Variants in RALGAPA2 observed in about 807,000 individuals in gnomAD.
RALGAPA2 encodes ral GTPase-activating protein subunit alpha-2.
In RALGAPA2, 139 loss-of-function variants were observed where a neutral mutation model predicts 230.4. That is an observed-to-expected ratio of 0.60 (90% CI 0.53 to 0.69). The LOEUF is 0.69. Ranked by LOEUF, RALGAPA2 falls within the 30% of genes least tolerant of loss-of-function variation. RALGAPA2 has a pLI of 0.00. For missense variants in RALGAPA2, 2,163 were observed against 2,276.0 expected, an observed-to-expected ratio of 0.95 and a Z score of 1.01; for synonymous variants, 847 against 837.8, an observed-to-expected ratio of 1.01 and a Z score of -0.19.
At chr20:20,427,134 G>T (rs2060400354) in intron 37 of RALGAPA2, among the ~76,000 whole-genome samples, 1 of 152,152 alleles carries the variant, frequency 6.6e-6, no homozygotes, top group Non-Finnish European at 1.5e-5. Context: ...AAAACTAGCA[G>T]AAGACCCAGT....
In RALGAPA2 at chr20:20,611,301, TA is replaced by T. The variant is rs758521364; in HGVS notation, c.1800+13del. The T allele has an allele frequency of 3.1e-5, 49 of 1,592,184 alleles. No homozygotes were observed. In the Admixed American group the frequency reaches 4.5e-4, roughly 14 times the overall value. On this transcript the variant is annotated intron_variant, in intron 14 of 39. Coordinates refer to ENST00000202677, the MANE Select transcript of RALGAPA2 (RefSeq NM_020343.4). ...ATTTCTTGCATTTGCAGTGCTTTCA[TA>T]AAAAAGACTTACCCTAAATAGTAAC...
chr20:20,589,137 C>A, intron 18 of RALGAPA2, 131 bp downstream of exon 18: 2 of 1,234,324 alleles, frequency 1.6e-6, no homozygotes, highest in East Asian at 2.8e-5. Flanking sequence ...ATCTCAACAT[C>A]ATTTGGGCCT....
intron 1 of RALGAPA2, among the ~76,000 whole-genome samples, chr20:20,706,274 T>C (rs889766297): frequency 6.6e-6 from 1 of 152,230 alleles, no homozygotes; most frequent in Non-Finnish European, 1.5e-5. Context: ...GAGGGATGGA[T>C]GGTGTATTTG....
chr20:20,492,000 T>A (rs2062072521), intron 36 of RALGAPA2, among the ~76,000 whole-genome samples: 1 of 152,162 alleles, frequency 6.6e-6, no homozygotes, highest in Non-Finnish European at 1.5e-5. Flanking sequence ...GCCAGGCACA[T>A]AATTTGTATA....
chr20:20,524,563 G>C lies in RALGAPA2; in HGVS notation c.3763-20C>G. On this transcript the variant is annotated intron_variant, in intron 29 of 39. Transcript: ENST00000202677. The stretch of plus-strand genomic sequence containing the variant: ...AATAAACTGGAAGAAGAACATGCCC[G>C]GTAGCTTATGCTGCAGTCTCTTAAA... 6.2e-7 allele frequency: 1 copy of C among 1,613,508 alleles called. No individual in the cohort carries two copies. Among genetic ancestry groups the C allele is most frequent in the South Asian group, 1.1e-5 (1 of 91,010 alleles).
intron 23 of RALGAPA2, among the ~76,000 whole-genome samples, chr20:20,554,805 T>G (rs1487796915): frequency 1.3e-5 from 2 of 152,134 alleles, no homozygotes; most frequent in African/African-American, 4.8e-5. Context: ...TGCCTGGCTG[T>G]GTAAGACTTC....
chr20:20,465,149 TCACACACACACACACA>T (rs74180992), intron 37 of RALGAPA2, among the ~76,000 whole-genome samples: 43 of 109,236 alleles, frequency 3.9e-4, no homozygotes, highest in South Asian at 1.1e-3. Flanking sequence ...CCGCAGGCCT[TCACACACACACACACA>T]CACACACACA....
chr20:20,582,081 C>T (rs1230565324), intron 20 of RALGAPA2, among the ~76,000 whole-genome samples: 1 of 152,054 alleles, frequency 6.6e-6, no homozygotes, highest in African/African-American at 2.4e-5. Context: ...CCAGCTCCTC[C>T]ATGGCCTCCC....
At chr20:20,604,946 TTAC>T (rs1447079619) in intron 15 of RALGAPA2, among the ~76,000 whole-genome samples, 11 of 152,296 alleles carry the variant, frequency 7.2e-5, no homozygotes, top group African/African-American at 1.9e-4. Flanking sequence ...ATCACTACTA[TTAC>T]TACTACCTTC....
intron 29 of RALGAPA2, 125 bp from the exon 30 acceptor site, chr20:20,524,668 G>A: frequency 1.5e-6 from 2 of 1,333,802 alleles, no homozygotes; most frequent in South Asian, 2.9e-5. Context: ...AAGTAGGTAA[G>A]TAAATAAATA....
At position 20,616,043 on chromosome 20, in the gene RALGAPA2, C is replaced by T. The variant is rs1307723057; in HGVS notation, c.1688G>A (p.Trp563Ter). The change falls in exon 13 of 40, where the codon TGG becomes TAG. Residue 563 changes from tryptophan (W) to a stop codon, truncating the protein, a stop_gained and splice_region_variant. Coordinates refer to ENST00000202677, the MANE Select transcript of RALGAPA2 (RefSeq NM_020343.4). LOFTEE classifies it high-confidence loss of function. ...IMELTMNKKT[W>*]EQMLQILLRI... Reference sequence around the variant, plus strand: ...ACTAATTAATTTGATATAAACTTACCATGTCTTTTTATTCATTGTAAGCTC... The same window carrying T: ...ACTAATTAATTTGATATAAACTTACTATGTCTTTTTATTCATTGTAAGCTC... 6 of 1,487,358 alleles carry T rather than the reference C, an allele frequency of 4.0e-6. No individual in the cohort carries two copies. The highest frequency in any genetic ancestry group is 4.5e-6 in the Non-Finnish European group (5 of 1,116,268). 92.1% of individuals were successfully genotyped at this position (1,487,358 alleles called of 1,614,324 possible).
intron 37 of RALGAPA2, among the ~76,000 whole-genome samples, chr20:20,443,441 T>TC: frequency 6.6e-6 from 1 of 152,240 alleles, no homozygotes; most frequent in Non-Finnish European, 1.5e-5. Flanking sequence ...AGGTGCCTCT[T>TC]GATCTTCACC....
At chr20:20,409,528 C>A (rs968727749) in intron 38 of RALGAPA2, among the ~76,000 whole-genome samples, 4 of 152,154 alleles carry the variant, frequency 2.6e-5, no homozygotes, top group African/African-American at 9.7e-5. Context: ...GGAGCTTAAG[C>A]CGCTCAGGGT....
chr20:20,513,742 G>A (rs1005093692), intron 31 of RALGAPA2, among the ~76,000 whole-genome samples: 1 of 152,186 alleles, frequency 6.6e-6, no homozygotes, highest in South Asian at 2.1e-4. Context: ...AGAAAAAGCT[G>A]CAGGCAATTC....
At chr20:20,641,397 A>T (rs1330250914) in intron 5 of RALGAPA2, among the ~76,000 whole-genome samples, 1 of 152,226 alleles carries the variant, frequency 6.6e-6, no homozygotes, top group Non-Finnish European at 1.5e-5. Context: ...ATAATATGCC[A>T]TGTTGATAAT....
chr20:20,572,946 T>A lies in RALGAPA2; in HGVS notation c.2830A>T (p.Asn944Tyr). ...RVLGILGDVN[N>Y]IQSPKIHARV... ...GCATGGATCTTGGGTGACTGGATGT[T>A]ATTCACATCTCCGAGGATCCCCAAG... The change falls in exon 21 of 40, where the codon AAC becomes TAC. Residue 944 changes from asparagine (N) to tyrosine (Y), a missense_variant. By Grantham distance (143) the Asn-to-Tyr change is moderately radical (BLOSUM62 -2). Transcript: ENST00000202677. 6.3e-7 allele frequency: 1 copy of A among 1,585,128 alleles called. No individual in the cohort carries two copies. The highest frequency in any genetic ancestry group is 8.6e-7 in the Non-Finnish European group (1 of 1,164,886).
At chr20:20,539,659 G>A (rs1489227983) in intron 24 of RALGAPA2, among the ~76,000 whole-genome samples, 1 of 152,102 alleles carries the variant, frequency 6.6e-6, no homozygotes, top group Non-Finnish European at 1.5e-5. Context: ...CAAATTTCAA[G>A]TTTATAATAT....
intron 37 of RALGAPA2, among the ~76,000 whole-genome samples, chr20:20,470,521 GGCCCATCAT>G: frequency 6.6e-6 from 1 of 152,062 alleles, no homozygotes; most frequent in South Asian, 2.1e-4. Flanking sequence ...GGGAGTGTAG[GGCCCATCAT>G]GCCCAGCATG....
intron 12 of RALGAPA2, among the ~76,000 whole-genome samples, chr20:20,618,790 T>C (rs984391146): frequency 6.6e-6 from 1 of 152,236 alleles, no homozygotes; most frequent in Non-Finnish European, 1.5e-5. Flanking sequence ...AGTTGCTCTT[T>C]CAAATGTTCC....
Sources: allele counts gnomAD v4.1 joint callset (sites outside exome capture counted in the v4.1 genomes callset), GRCh38; gene constraint gnomAD v4.1.1; transcripts MANE v1.5; gene names NCBI Gene and HGNC (gene_info 2026-07-23, HGNC 2026-07-21).